The following SDK1 variants were observed in gnomAD, a reference collection of about 807,000 sequenced individuals.
SDK1 encodes protein sidekick-1.
SDK1 carries 157 observed loss-of-function variants against 245.5 expected under a neutral mutation model. The ratio of observed to expected loss-of-function variants is 0.64; its 90% confidence interval spans 0.56 to 0.73. SDK1 has a LOEUF of 0.73. Among genes scored for constraint, SDK1 ranks in the 30% least tolerant of loss-of-function variants. The pLI, the probability that SDK1 is intolerant of heterozygous loss-of-function variation, is 0.00. For synonymous variants in SDK1, 1,647 were observed against 1,278.5 expected, an observed-to-expected ratio of 1.29 and a Z score of -6.15; for missense variants, 3,583 against 3,002.3, an observed-to-expected ratio of 1.19 and a Z score of -4.52.
intron 4 of SDK1, among the ~76,000 whole-genome samples, chr7:3,644,855 T>A (rs908007834): frequency 6.7e-6 from 1 of 150,058 alleles, no homozygotes; most frequent in African/African-American, 2.5e-5. Context: ...GTATAAATAT[T>A]CTAGAAGTTT....
At chr7:3,316,649 T>C (rs2128545405) in intron 1 of SDK1, among the ~76,000 whole-genome samples, 1 of 152,304 alleles carries the variant, frequency 6.6e-6, no homozygotes, top group African/African-American at 2.4e-5. Context: ...GAGAATGCCC[T>C]AGTAGATGTA....
intron 1 of SDK1, among the ~76,000 whole-genome samples, chr7:3,595,317 C>G (rs534601589): frequency 6.6e-6 from 1 of 151,982 alleles, no homozygotes. Context: ...TATATAAATT[C>G]ATTTATATAC....
chr7:4,123,590 T>C (rs1784203437), intron 25 of SDK1, among the ~76,000 whole-genome samples: 1 of 152,150 alleles, frequency 6.6e-6, no homozygotes, highest in South Asian at 2.1e-4. Flanking sequence ...AAACTTCACA[T>C]TGCAAGTATT....
chr7:3,648,928 C>G (rs1335267630), intron 4 of SDK1, among the ~76,000 whole-genome samples: 1 of 152,172 alleles, frequency 6.6e-6, no homozygotes, highest in Non-Finnish European at 1.5e-5. Flanking sequence ...CTTCTGCAAT[C>G]CTTTCTGGTA....
chr7:3,497,578 C>T (rs1162061788), intron 1 of SDK1, among the ~76,000 whole-genome samples: 4 of 152,170 alleles, frequency 2.6e-5, no homozygotes, highest in Admixed American at 6.5e-5. Context: ...GTAACACACA[C>T]ATCTTCACAG....
At chr7:3,912,015 G>T (rs947044045) in intron 5 of SDK1, among the ~76,000 whole-genome samples, 1 of 152,168 alleles carries the variant, frequency 6.6e-6, no homozygotes, top group Non-Finnish European at 1.5e-5. Context: ...GAGCTTGTAG[G>T]TGCGGGGGCG....
chr7:4,217,960 C>T (rs1006210762), intron 38 of SDK1, among the ~76,000 whole-genome samples: 4 of 152,206 alleles, frequency 2.6e-5, no homozygotes, highest in Non-Finnish European at 2.9e-5. Flanking sequence ...AATCACTTTA[C>T]ATTGGACAGG....
At chr7:3,352,738 A>G (rs1583727594) in intron 1 of SDK1, among the ~76,000 whole-genome samples, 2 of 151,748 alleles carry the variant, frequency 1.3e-5, no homozygotes, top group South Asian at 2.1e-4. Context: ...TTTTCAGATT[A>G]TTACTGTGTT....
At chr7:4,112,819 A>C (rs1783434672) in intron 23 of SDK1, among the ~76,000 whole-genome samples, 1 of 151,476 alleles carries the variant, frequency 6.6e-6, no homozygotes, top group South Asian at 2.1e-4. Flanking sequence ...CAGTGACACC[A>C]TCTCAGCTCA....
intron 1 of SDK1, among the ~76,000 whole-genome samples, chr7:3,343,004 A>AAG: frequency 6.6e-6 from 1 of 151,046 alleles, no homozygotes; most frequent in South Asian, 2.1e-4. Flanking sequence ...AAATGGCTGA[A>AAG]AAAAAAAAAA....
At chr7:3,961,662 C>G (rs1029896971) in intron 8 of SDK1, among the ~76,000 whole-genome samples, 2 of 152,144 alleles carry the variant, frequency 1.3e-5, no homozygotes, top group African/African-American at 4.8e-5. Context: ...CAAATTGCTC[C>G]TCTGAGACAG....
intron 1 of SDK1, among the ~76,000 whole-genome samples, chr7:3,536,433 C>G (rs574083366): frequency 6.6e-6 from 1 of 152,134 alleles, no homozygotes; most frequent in Admixed American, 6.5e-5. Context: ...AATCTTAGCA[C>G]TTGTGGAGGC....
rs143394253 is a variant in SDK1, at chr7:4,059,045, A to G, written c.2911+7215A>G. Among the ~76,000 whole-genome samples the G allele has an allele frequency of 3.6e-3, 545 of 152,362 alleles. 9 individuals are homozygous for G. The highest frequency in any genetic ancestry group is 0.013 in the African/African-American group (530 of 41,588). The stretch of plus-strand genomic sequence containing the variant: ...GGAACAAAGGATATATAAACCAACC[A>G]GAAATCAATTAATAATTACTAGAAT... On this transcript the variant is annotated intron_variant, in intron 19 of 44. Transcript: ENST00000404826.
At chr7:3,861,105 G>A (rs1453178901) in intron 5 of SDK1, among the ~76,000 whole-genome samples, 1 of 152,016 alleles carries the variant, frequency 6.6e-6, no homozygotes, top group African/African-American at 2.4e-5. Context: ...GTCTACTGCT[G>A]TGAAAAATAG....
chr7:3,796,535 A>T (rs146650997), intron 4 of SDK1, among the ~76,000 whole-genome samples: 2 of 151,934 alleles, frequency 1.3e-5, no homozygotes, highest in African/African-American at 4.8e-5. Flanking sequence ...CCAGCCTACA[A>T]TCCATTCCAG....
intron 1 of SDK1, among the ~76,000 whole-genome samples, chr7:3,403,866 T>TATATATATAA (rs1562466232): frequency 6.9e-5 from 8 of 115,726 alleles, no homozygotes; most frequent in Non-Finnish European, 1.2e-4. Flanking sequence ...TATATATATA[T>TATATATATAA]ATAATATATA....
intron 5 of SDK1, among the ~76,000 whole-genome samples, chr7:3,859,337 A>C (rs1273591999): frequency 6.6e-6 from 1 of 152,140 alleles, no homozygotes; most frequent in Non-Finnish European, 1.5e-5. Context: ...CTGTCATTGC[A>C]TGATGGCATC....
At position 3,957,698 on chromosome 7, in the gene SDK1, C is replaced by G. The variant is rs184478997; in HGVS notation, c.1151-1233C>G. ...TATAGTTGGAATATAAATAATACTG[C>G]CTTCATGATTATTGATTGAGGAAAC... On this transcript the variant is annotated intron_variant, in intron 7 of 44. Transcript: ENST00000404826. Among the ~76,000 whole-genome samples, 62 of 152,192 alleles carry G rather than the reference C, an allele frequency of 4.1e-4. No homozygotes were observed. In the South Asian group the frequency reaches 5.8e-3, roughly 14 times the overall value.
intron 1 of SDK1, among the ~76,000 whole-genome samples, chr7:3,325,729 C>T (rs1779924591): frequency 6.6e-6 from 1 of 152,080 alleles, no homozygotes; most frequent in African/African-American, 2.4e-5. Context: ...AGAAAAATTG[C>T]TGGATAATGT....
Sources: gnomAD v4.1 joint callset for allele counts (sites outside exome capture counted in the v4.1 genomes callset) on GRCh38, gnomAD v4.1.1 for gene constraint, MANE v1.5 for transcripts, NCBI Gene and HGNC (gene_info 2026-07-23, HGNC 2026-07-21) for gene names.